Variants in PCDHA9 observed in about 807,000 individuals in gnomAD.
The protein encoded by PCDHA9 is protocadherin alpha-9.
In PCDHA9, 62 loss-of-function variants were observed where a neutral mutation model predicts 62.0. That is an observed-to-expected ratio of 1.00 (90% CI 0.81 to 1.23). The LOEUF is 1.23. PCDHA9 is among the 50% of genes most tolerant of loss of function. The pLI, the probability that PCDHA9 is intolerant of heterozygous loss-of-function variation, is 0.00. For synonymous variants in PCDHA9, 557 were observed against 567.6 expected (o/e 0.98, Z 0.27); for missense variants, 1,205 against 1,249.8 (o/e 0.96, Z 0.54).
chr5:140,859,888 A>T (rs2046074014), intron 1 of PCDHA9: 1 of 152,104 alleles, frequency 6.6e-6, no homozygotes. Context: ...TATTTTGAAA[A>T]AAAATCTTCC....
Position 140,849,381 on chromosome 5 carries a change from GA to G in PCDHA9, c.887del (p.Asp296AlafsTer3). 1 of 1,514,878 alleles carries G rather than the reference GA, an allele frequency of 6.6e-7. No individual in the cohort carries two copies. Among genetic ancestry groups the G allele is most frequent in the African/African-American group, 1.5e-5 (1 of 67,268 alleles). The allele number at this position is 1,514,878 out of a possible 1,614,324, so 93.8% of individuals were successfully genotyped here. On this transcript the variant is annotated frameshift_variant, in exon 1 of 4. Coordinates refer to ENST00000532602, the MANE Select transcript of PCDHA9 (RefSeq NM_031857.2). LOFTEE classifies it high-confidence loss of function. The part of the protein sequence containing the change: ...SPDIKSKFHM[D>X]PLSGAITVIG... ...AGATATAAAATCCAAGTTCCACATG[GA>G]CCCCTTAAGTGGGGCAATCACAGTG...
chr5:140,925,503 C>T (rs1210013790), intron 1 of PCDHA9, among the ~76,000 whole-genome samples: 1 of 151,978 alleles, frequency 6.6e-6, no homozygotes, highest in Non-Finnish European at 1.5e-5. Context: ...TCCCAATATC[C>T]ACGCAAAAGA....
chr5:140,892,087 T>G (rs2063378040), intron 1 of PCDHA9, among the ~76,000 whole-genome samples: 1 of 152,226 alleles, frequency 6.6e-6, no homozygotes, highest in East Asian at 1.9e-4. Context: ...TAGTTTCCTC[T>G]CGAAACTTTC....
chr5:140,923,206 A>G (rs2081227659), intron 1 of PCDHA9, among the ~76,000 whole-genome samples: 1 of 152,172 alleles, frequency 6.6e-6, no homozygotes, highest in South Asian at 2.1e-4. Flanking sequence ...TTGGGAGGCT[A>G]AGGTGAAAGG....
chr5:140,899,101 G>T (rs1554188394), intron 1 of PCDHA9, among the ~76,000 whole-genome samples: 5 of 152,096 alleles, frequency 3.3e-5, no homozygotes, highest in Non-Finnish European at 7.4e-5. Context: ...CTGAGATAAT[G>T]GGGTTTTCTA....
chr5:140,851,054 T>G, intron 1 of PCDHA9, 165 bp downstream of exon 1: 1 of 1,379,124 alleles, frequency 7.3e-7, no homozygotes, highest in Non-Finnish European at 9.5e-7. Context: ...GACTTTGTCT[T>G]GACTTCTAGT....
chr5:140,899,674 T>A (rs2067476984), intron 1 of PCDHA9, among the ~76,000 whole-genome samples: 1 of 152,220 alleles, frequency 6.6e-6, no homozygotes, highest in African/African-American at 2.4e-5. Flanking sequence ...GGCTTTGGTA[T>A]CAGGATGATG....
intron 1 of PCDHA9, chr5:140,857,508 C>A: frequency 6.3e-7 from 1 of 1,598,226 alleles, no homozygotes; most frequent in African/African-American, 1.3e-5. Flanking sequence ...CAGGAGAACG[C>A]CCTGGTGTCC....
chr5:140,853,897 G>A, intron 1 of PCDHA9: 2 of 967,612 alleles, frequency 2.1e-6, no homozygotes, highest in Non-Finnish European at 2.5e-6. Context: ...AAAAGATGTG[G>A]TGGCCTGACA....
Position 141,009,957 on chromosome 5 carries a change from G to T in PCDHA9, c.*20G>T. ...CAGTGAGGTCCTCAAATGGAAACAA[G>T]CCACTTAGCCAGTTTTTGTAATAAT... On this transcript the variant is annotated 3_prime_UTR_variant, in exon 4 of 4. Coordinates refer to ENST00000532602, the MANE Select transcript of PCDHA9 (RefSeq NM_031857.2). 1 of 1,589,160 alleles carries T rather than the reference G, an allele frequency of 6.3e-7. No homozygotes were observed. Among genetic ancestry groups the T allele is most frequent in the Non-Finnish European group, 8.5e-7 (1 of 1,171,102 alleles).
chr5:140,870,315 C>T, intron 1 of PCDHA9: 1 of 1,614,234 alleles, frequency 6.2e-7, no homozygotes, highest in Non-Finnish European at 8.5e-7. Context: ...AGAATTACTA[C>T]TCGTTGGTGC....
intron 1 of PCDHA9, chr5:140,871,242 G>A: frequency 1.2e-6 from 2 of 1,613,980 alleles, no homozygotes; most frequent in Non-Finnish European, 8.5e-7. Flanking sequence ...TGGTACTCAC[G>A]CTGCTGCTGT....
intron 1 of PCDHA9, chr5:140,966,382 G>C (rs1188243032): frequency 5.0e-6 from 2 of 403,766 alleles, no homozygotes; most frequent in Non-Finnish European, 4.3e-6. Flanking sequence ...GTCCGGGTTC[G>C]CTGTCCGCCA....
intron 1 of PCDHA9, chr5:140,863,232 G>A (rs1283717964): frequency 8.1e-7 from 1 of 1,230,740 alleles, no homozygotes; most frequent in Non-Finnish European, 1.1e-6. Context: ...AGGTCCCATC[G>A]CGGGCTTTGG....
intron 1 of PCDHA9, chr5:140,967,749 C>A (rs1554229896): frequency 1.2e-6 from 2 of 1,614,172 alleles, no homozygotes; most frequent in Non-Finnish European, 1.7e-6. Context: ...TATGAGGAAG[C>A]CTCCTCCTAC....
intron 1 of PCDHA9, among the ~76,000 whole-genome samples, chr5:140,923,931 A>T (rs1216808903): frequency 2.6e-5 from 4 of 152,118 alleles, no homozygotes; most frequent in Non-Finnish European, 4.4e-5. Flanking sequence ...CTCTGTATGC[A>T]TTTTTCCTTT....
intron 1 of PCDHA9, among the ~76,000 whole-genome samples, chr5:140,873,132 A>G (rs2054118651): frequency 6.6e-6 from 1 of 152,212 alleles, no homozygotes; most frequent in Non-Finnish European, 1.5e-5. Flanking sequence ...CAAAGAGTCT[A>G]TGCTGAAGCC....
chr5:140,981,698 A>C (rs1414640370), intron 2 of PCDHA9, among the ~76,000 whole-genome samples: 1 of 151,174 alleles, frequency 6.6e-6, no homozygotes, highest in Non-Finnish European at 1.5e-5. Context: ...TCATTCATTC[A>C]TTCATTCATT....
At chr5:140,862,934 G>A (rs1050739882) in intron 1 of PCDHA9, 1 of 542,302 alleles carries the variant, frequency 1.8e-6, no homozygotes, top group South Asian at 1.4e-5. Context: ...TGGCGGCGCT[G>A]TGAGTGAGCT....
Sources: gnomAD v4.1 joint callset for allele counts (sites outside exome capture counted in the v4.1 genomes callset) on GRCh38, gnomAD v4.1.1 for gene constraint, MANE v1.5 for transcripts, NCBI Gene and HGNC (gene_info 2026-07-23, HGNC 2026-07-21) for gene names.